SSBP2: variants seen among roughly 807,000 people sequenced by gnomAD.
SSBP2 encodes the protein single-stranded DNA-binding protein 2.
SSBP2 carries 17 observed loss-of-function variants against 61.8 expected under a neutral mutation model. That is an observed-to-expected ratio of 0.28 (90% CI 0.19 to 0.41). The LOEUF (loss-of-function observed/expected upper bound fraction) is 0.41. Among genes scored for constraint, SSBP2 ranks in the 10% least tolerant of loss-of-function variants. SSBP2 has a pLI of 1.00. For missense variants in SSBP2, 310 were observed against 458.7 expected, an observed-to-expected ratio of 0.68 and a Z score of 2.96; for synonymous variants, 139 against 141.3, an observed-to-expected ratio of 0.98 and a Z score of 0.12.
At chr5:81,531,320 A>G (rs1286197558) in intron 4 of SSBP2, among the ~76,000 whole-genome samples, 1 of 151,968 alleles carries the variant, frequency 6.6e-6, no homozygotes, top group African/African-American at 2.4e-5. Context: ...AAATTTTTAC[A>G]GAGGAAAAGA....
At position 81,473,675 on chromosome 5, in the gene SSBP2, T is replaced by C. The variant is rs115389221; in HGVS notation, c.570+25A>G. On this transcript the variant is annotated intron_variant, in intron 8 of 16. Coordinates refer to ENST00000320672, the MANE Select transcript of SSBP2 (RefSeq NM_012446.5). The stretch of plus-strand genomic sequence containing the variant: ...TTGGGTTGGTTCCATATCTTTGCTA[T>C]TGTAAATATGCACTGATTATTTACC... 2,570 of 1,608,040 alleles carry C rather than the reference T, an allele frequency of 1.6e-3. 34 individuals are homozygous for C. The African/African-American group carries it at 0.029, about 18-fold the overall frequency.
chr5:81,711,661 T>C lies in SSBP2; in HGVS notation c.62+39320A>G, dbSNP rs1012596833. Among the ~76,000 whole-genome samples the C allele has an allele frequency of 9.2e-5, 14 of 151,692 alleles. No homozygotes were observed. The East Asian group carries it at 1.2e-3, about 13-fold the overall frequency. ...AAATAAAGCCTAAAGAGATAATAAA[T>C]TGTAGTAGACAAAATTGATCACTCT... On this transcript the variant is annotated intron_variant, in intron 1 of 16. Transcript: ENST00000320672.
chr5:81,497,924 C>G (rs1767412362), intron 5 of SSBP2, among the ~76,000 whole-genome samples: 1 of 152,068 alleles, frequency 6.6e-6, no homozygotes, highest in Non-Finnish European at 1.5e-5. Flanking sequence ...TGGTAACTTA[C>G]TGATCTTTTT....
chr5:81,625,607 TTTA>T (rs1363733144), intron 3 of SSBP2, among the ~76,000 whole-genome samples: 1 of 152,138 alleles, frequency 6.6e-6, no homozygotes, highest in South Asian at 2.1e-4. Flanking sequence ...TCTCATATCA[TTTA>T]TTATTATTAA....
At chr5:81,599,519 T>TAG (rs987057917) in intron 4 of SSBP2, among the ~76,000 whole-genome samples, 1 of 152,224 alleles carries the variant, frequency 6.6e-6, no homozygotes, top group Non-Finnish European at 1.5e-5. Flanking sequence ...CCGCTGATCC[T>TAG]AGAGAGAAAG....
At chr5:81,436,657 T>C (rs1368880542) in intron 15 of SSBP2, among the ~76,000 whole-genome samples, 1 of 152,164 alleles carries the variant, frequency 6.6e-6, no homozygotes, top group Admixed American at 6.5e-5. Context: ...AATTTCTCTA[T>C]TTATTGATAT....
chr5:81,615,452 T>C (rs1311083304), intron 4 of SSBP2, 21 bp downstream of exon 4: 24 of 1,581,728 alleles, frequency 1.5e-5, no homozygotes, highest in Non-Finnish European at 2.1e-5. Flanking sequence ...TGTAACTTTG[T>C]AAAATTATAT....
At chr5:81,569,836 T>C (rs548909750) in intron 4 of SSBP2, among the ~76,000 whole-genome samples, 3 of 152,264 alleles carry the variant, frequency 2.0e-5, no homozygotes, top group South Asian at 2.1e-4. Flanking sequence ...TTTGATATCA[T>C]GGCCTGAATT....
At chr5:81,587,908 T>C (rs1398167146) in intron 4 of SSBP2, among the ~76,000 whole-genome samples, 1 of 152,152 alleles carries the variant, frequency 6.6e-6, no homozygotes, top group Non-Finnish European at 1.5e-5. Flanking sequence ...GCCCAATCAT[T>C]TTCTGGGCTT....
chr5:81,743,882 G>C (rs1404282462), intron 1 of SSBP2, among the ~76,000 whole-genome samples: 1 of 152,182 alleles, frequency 6.6e-6, no homozygotes, highest in African/African-American at 2.4e-5. Flanking sequence ...CAAAGAAGCC[G>C]ATCCTGAACC....
In SSBP2 at chr5:81,596,927, G is replaced by A. The variant is rs922212485; in HGVS notation, c.282+18546C>T. On this transcript the variant is annotated intron_variant, in intron 4 of 16. Transcript: ENST00000320672. ...GCAATACCATTCAGGACACAGGCAC[G>A]GGCAAGGACTTCATGTCTAAAACAC... Among the ~76,000 whole-genome samples, 157 of 149,000 alleles carry A rather than the reference G, an allele frequency of 1.1e-3. 1 individual carries two copies. Among genetic ancestry groups the A allele is most frequent in the African/African-American group, 3.5e-3 (139 of 39,820 alleles).
rs537191509 is a variant in SSBP2 at position 81,468,494 on chromosome 5, A to G, written c.571-1453T>C. 2.6e-5 allele frequency among the ~76,000 whole-genome samples: 4 copies of G among 152,090 alleles called. No homozygotes were observed. The East Asian group carries it at 5.8e-4, about 22-fold the overall frequency. ...AGTTTAAACTTCTCAGCGTGGCTCT[A>G]TGAGGTATTCAAGGCTCAGCCCCAG... On this transcript the variant is annotated intron_variant, in intron 8 of 16. Transcript: ENST00000320672.
At chr5:81,595,726 A>G (rs1374472199) in intron 4 of SSBP2, among the ~76,000 whole-genome samples, 5 of 152,232 alleles carry the variant, frequency 3.3e-5, no homozygotes, top group Admixed American at 1.3e-4. Context: ...TATAAACAGA[A>G]CCAAAGACAA....
intron 1 of SSBP2, among the ~76,000 whole-genome samples, chr5:81,670,506 C>G (rs1380111634): frequency 6.6e-6 from 1 of 152,072 alleles, no homozygotes; most frequent in Middle Eastern, 3.2e-3. Flanking sequence ...TACAGATGAA[C>G]AAGTTTACTG....
Position 81,688,166 on chromosome 5 carries a change from G to C in SSBP2, c.63-37827C>G, listed in dbSNP as rs370771995. Among the ~76,000 whole-genome samples, 178 of 152,228 alleles carry C rather than the reference G, an allele frequency of 1.2e-3. 2 individuals carry two copies. In the South Asian group the frequency reaches 0.037, roughly 31 times the overall value. On this transcript the variant is annotated intron_variant, in intron 1 of 16. Transcript: ENST00000320672. ...TATTCACTGCAGGCCTGGGGTAATA[G>C]GAGCCACAGGGAGATTCCTCTGCTC...
rs375397683 is a variant in SSBP2 at position 81,625,082 on chromosome 5, T to C, written c.198-9525A>G. On this transcript the variant is annotated intron_variant, in intron 3 of 16. Coordinates refer to ENST00000320672, the MANE Select transcript of SSBP2 (RefSeq NM_012446.5). ...ACTTGATGTAAGGTTATATAGTATA[T>C]ATAAAAATTTCACTAATATTTTTAA... 1.6e-4 allele frequency among the ~76,000 whole-genome samples: 24 copies of C among 152,296 alleles called. No homozygotes were observed. In the East Asian group the frequency reaches 4.6e-3, roughly 29 times the overall value.
At chr5:81,735,815 A>C (rs1756562583) in intron 1 of SSBP2, among the ~76,000 whole-genome samples, 1 of 152,226 alleles carries the variant, frequency 6.6e-6, no homozygotes, top group Non-Finnish European at 1.5e-5. Context: ...TATTAGATAA[A>C]ATAGAACATC....
chr5:81,697,575 T>TA (rs768175512), intron 1 of SSBP2, among the ~76,000 whole-genome samples: 4 of 152,150 alleles, frequency 2.6e-5, no homozygotes, highest in Non-Finnish European at 5.9e-5. Flanking sequence ...AAATAAAGCA[T>TA]AAAAAGGCAA....
At chr5:81,486,315 C>G (rs1181144533) in intron 6 of SSBP2, among the ~76,000 whole-genome samples, 1 of 152,142 alleles carries the variant, frequency 6.6e-6, no homozygotes, top group Non-Finnish European at 1.5e-5. Flanking sequence ...CCACCACCAA[C>G]CTTGTCTTCA....
Sources: gnomAD v4.1 joint callset for allele counts (sites outside exome capture counted in the v4.1 genomes callset) on GRCh38, gnomAD v4.1.1 for gene constraint, MANE v1.5 for transcripts, NCBI Gene and HGNC (gene_info 2026-07-23, HGNC 2026-07-21) for gene names.